Variants in PTPRG observed in about 807,000 individuals in gnomAD.
The protein encoded by PTPRG is receptor-type tyrosine-protein phosphatase gamma.
PTPRG carries 102 observed loss-of-function variants against 165.3 expected under a neutral mutation model. The ratio of observed to expected loss-of-function variants is 0.62; its 90% CI spans 0.53 to 0.73. PTPRG has a LOEUF of 0.73. Ranked by LOEUF, PTPRG falls within the 30% of genes least tolerant of loss-of-function variation. PTPRG has a pLI of 0.00. For missense variants in PTPRG, 1,866 were observed against 1,861.4 expected, an observed-to-expected ratio of 1.00 and a Z score of -0.05; for synonymous variants, 675 against 669.5, an observed-to-expected ratio of 1.01 and a Z score of -0.13.
chr3:61,948,136 C>G (rs1420416480), intron 2 of PTPRG, among the ~76,000 whole-genome samples: 1 of 152,060 alleles, frequency 6.6e-6, no homozygotes, highest in African/African-American at 2.4e-5. Flanking sequence ...ACCAGCCTAA[C>G]CAACTTAGAG....
intron 2 of PTPRG, among the ~76,000 whole-genome samples, chr3:61,891,919 A>C (rs1252438565): frequency 2.6e-5 from 4 of 151,080 alleles, no homozygotes; most frequent in African/African-American, 9.7e-5. Flanking sequence ...TTTTTTTTTC[A>C]GTAAATTAAT....
chr3:61,835,492 C>T (rs1036736351), intron 2 of PTPRG, among the ~76,000 whole-genome samples: 1 of 152,068 alleles, frequency 6.6e-6, no homozygotes, highest in East Asian at 2.0e-4. Context: ...CGCCACCACA[C>T]CTGGCTAATT....
At chr3:61,596,317 C>G (rs1168625059) in intron 1 of PTPRG, among the ~76,000 whole-genome samples, 1 of 152,146 alleles carries the variant, frequency 6.6e-6, no homozygotes, top group Admixed American at 6.5e-5. Context: ...TTTCACATTA[C>G]TTTTACTGTG....
At chr3:61,774,302 C>T (rs759372292) in intron 2 of PTPRG, among the ~76,000 whole-genome samples, 6 of 152,282 alleles carry the variant, frequency 3.9e-5, no homozygotes, top group Non-Finnish European at 5.9e-5. Flanking sequence ...TGCCTGGGAC[C>T]AGGAGTAGTA....
chr3:62,018,525 C>T (rs115491792), intron 4 of PTPRG, among the ~76,000 whole-genome samples: 1 of 152,138 alleles, frequency 6.6e-6, no homozygotes, highest in Non-Finnish European at 1.5e-5. Flanking sequence ...CTAAATGATT[C>T]GAAGTCTCCA....
chr3:62,065,981 C>A (rs1030470636), intron 4 of PTPRG, among the ~76,000 whole-genome samples: 1 of 152,128 alleles, frequency 6.6e-6, no homozygotes, highest in African/African-American at 2.4e-5. Flanking sequence ...TTTGCAGCAA[C>A]CTTTTTCTTA....
At chr3:61,715,474 C>T (rs531054977) in intron 1 of PTPRG, among the ~76,000 whole-genome samples, 1 of 152,298 alleles carries the variant, frequency 6.6e-6, no homozygotes, top group South Asian at 2.1e-4. Flanking sequence ...CTGCCTTGGT[C>T]TCCCAAAGTG....
At chr3:62,275,516 A>G (rs1702202043) in intron 23 of PTPRG, among the ~76,000 whole-genome samples, 2 of 152,202 alleles carry the variant, frequency 1.3e-5, no homozygotes, top group African/African-American at 4.8e-5. Context: ...GGAAAGCACA[A>G]GAGTGTTCTC....
intron 4 of PTPRG, among the ~76,000 whole-genome samples, chr3:62,027,090 G>T (rs67356323): frequency 6.6e-6 from 1 of 151,388 alleles, no homozygotes; most frequent in Non-Finnish European, 1.5e-5. Context: ...TTCTCTCCCC[G>T]TGCCCTGTTT....
intron 2 of PTPRG, among the ~76,000 whole-genome samples, chr3:61,781,110 T>C (rs1384539576): frequency 2.0e-5 from 3 of 152,180 alleles, no homozygotes; most frequent in South Asian, 4.1e-4. Context: ...TAAAAGGAGT[T>C]GGATAGGATA....
chr3:62,206,400 GGTCCTCAGGTAAGTCTTAGTCCCGT>G (rs1700231159), intron 12 of PTPRG, among the ~76,000 whole-genome samples: 1 of 152,018 alleles, frequency 6.6e-6, no homozygotes, highest in African/African-American at 2.4e-5. Flanking sequence ...ATTCACTCAG[GGTCCTCAGGTAAGTCTTAGTCCCGT>G]GTCCTCGTTT....
In PTPRG at chr3:62,297,088, T is replaced by TA. The variant is rs1257135402; in HGVS notation, c.*3786dup. 6.6e-6 allele frequency: 1 copy of TA among 152,098 alleles called. No homozygotes were observed. Among genetic ancestry groups the TA allele is most frequent in the Non-Finnish European group, 1.5e-5 (1 of 67,962 alleles). 9.4% of individuals were successfully genotyped at this position (152,098 alleles called of 1,614,324 possible). ...TTCTTTCACTCCATTTTGAAATAGC[T>TA]AAAAATCATTAAAACTGTAAATATT... On this transcript the variant is annotated 3_prime_UTR_variant, in exon 30 of 30. Transcript: ENST00000474889.
chr3:61,618,975 C>CAAA (rs57427703), intron 1 of PTPRG, among the ~76,000 whole-genome samples: 1 of 72,948 alleles, frequency 1.4e-5, no homozygotes, highest in African/African-American at 4.0e-5. Context: ...GATCCTGTCT[C>CAAA]AAAAAAAAAA....
chr3:62,276,010 T>C (rs981297714), intron 24 of PTPRG, 44 bp downstream of exon 24: 1 of 1,439,172 alleles, frequency 6.9e-7, no homozygotes, highest in African/African-American at 1.4e-5. Context: ...TATACTGGAT[T>C]GTATGTTAGG....
At chr3:62,270,669 C>G (rs1702030429) in intron 20 of PTPRG, among the ~76,000 whole-genome samples, 1 of 152,050 alleles carries the variant, frequency 6.6e-6, no homozygotes, top group African/African-American at 2.4e-5. Flanking sequence ...AGCACAGGAC[C>G]AGACACACTT....
chr3:61,741,529 A>T (rs1259175314), intron 1 of PTPRG, among the ~76,000 whole-genome samples: 1 of 152,250 alleles, frequency 6.6e-6, no homozygotes, highest in Non-Finnish European at 1.5e-5. Flanking sequence ...CATACAGTTA[A>T]TGAGAAATAC....
intron 2 of PTPRG, among the ~76,000 whole-genome samples, chr3:61,904,014 C>T (rs1396956778): frequency 6.6e-6 from 1 of 152,116 alleles, no homozygotes; most frequent in African/African-American, 2.4e-5. Context: ...GGAAGAGATG[C>T]TTCTGTAAAT....
At chr3:62,019,780 C>T (rs1401681402) in intron 4 of PTPRG, among the ~76,000 whole-genome samples, 1 of 151,982 alleles carries the variant, frequency 6.6e-6, no homozygotes, top group African/African-American at 2.4e-5. Context: ...TATTTGCCAA[C>T]TTAAAAAAAT....
chr3:61,748,746 A>G, intron 1 of PTPRG, 132 bp from the exon 2 acceptor site: 1 of 612,778 alleles, frequency 1.6e-6, no homozygotes, highest in Non-Finnish European at 2.8e-6. Flanking sequence ...TTTTTGTAAA[A>G]TAAGTTGGTT....
Sources: allele counts gnomAD v4.1 joint callset (sites outside exome capture counted in the v4.1 genomes callset), GRCh38; gene constraint gnomAD v4.1.1; transcripts MANE v1.5; gene names NCBI Gene and HGNC (gene_info 2026-07-23, HGNC 2026-07-21).